Variants in NCKAP5 observed in about 807,000 individuals in gnomAD.
NCKAP5 encodes the protein NCK associated protein 5.
Under a neutral mutation model 167.0 loss-of-function variants are expected in NCKAP5, and 92 were observed. The observed-to-expected ratio is 0.55, with a 90% CI of 0.47 to 0.66. NCKAP5 has a LOEUF of 0.66. Ranked by LOEUF, NCKAP5 falls within the 30% of genes least tolerant of loss-of-function variation. The pLI, the probability that NCKAP5 is intolerant of heterozygous loss-of-function variation, is 0.00. For synonymous variants in NCKAP5, 891 were observed against 877.4 expected, an observed-to-expected ratio of 1.02 and a Z score of -0.27; for missense variants, 2,378 against 2,315.0, an observed-to-expected ratio of 1.03 and a Z score of -0.56.
chr2:133,201,128 A>G (rs1347313944), intron 5 of NCKAP5, among the ~76,000 whole-genome samples: 1 of 152,208 alleles, frequency 6.6e-6, no homozygotes, highest in African/African-American at 2.4e-5. Flanking sequence ...ATACCATGAT[A>G]GTTGATGTGA....
intron 3 of NCKAP5, among the ~76,000 whole-genome samples, chr2:133,403,556 G>A (rs1029316647): frequency 1.1e-4 from 17 of 152,248 alleles, no homozygotes; most frequent in African/African-American, 2.9e-4. Context: ...CATGTGAAAC[G>A]TACTAGATTT....
chr2:132,824,420 C>T (rs1436970650), intron 11 of NCKAP5, among the ~76,000 whole-genome samples: 1 of 152,198 alleles, frequency 6.6e-6, no homozygotes, highest in East Asian at 1.9e-4. Context: ...ATATCTGTCC[C>T]TCCTTTATCA....
chr2:133,549,845 A>C (rs1333468124), intron 2 of NCKAP5, among the ~76,000 whole-genome samples: 6 of 148,448 alleles, frequency 4.0e-5, no homozygotes, highest in African/African-American at 1.5e-4. Context: ...TTGATAGACC[A>C]CTAGCAAGAC....
intron 1 of NCKAP5, among the ~76,000 whole-genome samples, chr2:133,564,536 G>T (rs1169833489): frequency 6.6e-6 from 1 of 152,150 alleles, no homozygotes. Flanking sequence ...GGAAGGTAAA[G>T]AAATACTTTT....
chr2:133,155,956 A>G (rs2083562678), intron 5 of NCKAP5, among the ~76,000 whole-genome samples: 1 of 152,170 alleles, frequency 6.6e-6, no homozygotes, highest in African/African-American at 2.4e-5. Context: ...ACTCTGACTA[A>G]TATAAAGAAT....
chr2:133,490,911 C>A (rs928017805), intron 3 of NCKAP5, among the ~76,000 whole-genome samples: 1 of 152,192 alleles, frequency 6.6e-6, no homozygotes, highest in Non-Finnish European at 1.5e-5. Context: ...TTTATGATTT[C>A]TGTTAAGAGG....
Position 133,011,924 on chromosome 2 carries a change from C to T in NCKAP5, c.342-17685G>A, listed in dbSNP as rs2078173986. ...TTACAGATGCGGAGGCCCCTGAGCC[C>T]TCTTTTGCATGGCTATTGCTGGACC... On this transcript the variant is annotated intron_variant, in intron 6 of 19. Coordinates refer to ENST00000409261, the MANE Select transcript of NCKAP5 (RefSeq NM_207363.3). 2.6e-5 allele frequency among the ~76,000 whole-genome samples: 4 copies of T among 152,142 alleles called. No homozygotes were observed. In the South Asian group the frequency reaches 6.2e-4, roughly 24 times the overall value.
intron 11 of NCKAP5, among the ~76,000 whole-genome samples, chr2:132,799,383 C>T (rs1684855563): frequency 6.6e-6 from 1 of 152,050 alleles, no homozygotes; most frequent in Non-Finnish European, 1.5e-5. Flanking sequence ...GCAGAAGTAC[C>T]CCCTGAATCT....
chr2:133,525,402 C>T (rs1345991351), intron 2 of NCKAP5, among the ~76,000 whole-genome samples: 2 of 152,160 alleles, frequency 1.3e-5, no homozygotes, highest in East Asian at 3.9e-4. Flanking sequence ...TTCCCATGGG[C>T]CCCTCCTCAG....
intron 11 of NCKAP5, among the ~76,000 whole-genome samples, chr2:132,812,572 C>A (rs1685963452): frequency 6.6e-6 from 1 of 152,132 alleles, no homozygotes; most frequent in South Asian, 2.1e-4. Context: ...GCGGAGCAGG[C>A]ACCTGCAACA....
Position 132,782,474 on chromosome 2 carries a change from T to C in NCKAP5, c.4337A>G (p.Glu1446Gly). 1 of 1,612,780 alleles carries C rather than the reference T, an allele frequency of 6.2e-7. No homozygotes were observed. Among genetic ancestry groups the C allele is most frequent in the Non-Finnish European group, 8.5e-7 (1 of 1,179,464 alleles). The stretch of plus-strand genomic sequence containing the variant: ...GGCATCTGGATGCCTTCCAGAAGTT[T>C]CTAGCTTGGATGTACTGCTTGTTTC... ...TFETSSTSKL[E>G]TSGRHPDASA... Residue 1446 changes from glutamate to glycine, a missense_variant, in exon 14 of 20, where the codon GAA becomes GGA. Glu to Gly is a moderately conservative substitution (Grantham distance 98). Transcript: ENST00000409261.
intron 6 of NCKAP5, among the ~76,000 whole-genome samples, chr2:133,116,848 A>C (rs2082100958): frequency 6.6e-6 from 1 of 152,142 alleles, no homozygotes; most frequent in South Asian, 2.1e-4. Context: ...TATGGATGCT[A>C]ATAGTTCCTC....
Position 133,286,510 on chromosome 2 carries a change from G to C in NCKAP5, c.143+16527C>G, listed in dbSNP as rs1231917121. ...CACAAGAGAGTAATTGGATATGCAT[G>C]ATGCAATGCTGGAATTTTAGGTATT... On this transcript the variant is annotated intron_variant, in intron 4 of 19. Transcript: ENST00000409261. 8.5e-5 allele frequency among the ~76,000 whole-genome samples: 13 copies of C among 152,182 alleles called. No homozygotes were observed. The East Asian group carries it at 2.5e-3, about 29-fold the overall frequency.
At chr2:133,020,147 G>A (rs1438230554) in intron 6 of NCKAP5, among the ~76,000 whole-genome samples, 1 of 152,244 alleles carries the variant, frequency 6.6e-6, no homozygotes, top group African/African-American at 2.4e-5. Flanking sequence ...TGCTGCTGTA[G>A]ACATTGGAGC....
chr2:132,827,464 A>T (rs895630528), intron 11 of NCKAP5, among the ~76,000 whole-genome samples: 1 of 152,188 alleles, frequency 6.6e-6, no homozygotes, highest in African/African-American at 2.4e-5. Context: ...GCTGTTACAC[A>T]TATAATGTAC....
the NCKAP5 span, among the ~76,000 whole-genome samples, chr2:133,584,834 C>G: frequency 6.6e-6 from 1 of 151,718 alleles, no homozygotes; most frequent in South Asian, 2.1e-4. Flanking sequence ...GCAGATAAAA[C>G]CTGGAGAGCT....
At chr2:133,382,853 G>C (rs1686623271) in intron 3 of NCKAP5, among the ~76,000 whole-genome samples, 1 of 152,176 alleles carries the variant, frequency 6.6e-6, no homozygotes, top group Non-Finnish European at 1.5e-5. Context: ...AGAGATGCTA[G>C]AATCTTTGTC....
At chr2:133,381,437 G>T (rs1374343475) in intron 3 of NCKAP5, 16 of 152,216 alleles carry the variant, frequency 1.1e-4, no homozygotes, top group Admixed American at 1.0e-3. Flanking sequence ...TCCTCATCGG[G>T]TGGGCAAACC....
At chr2:133,602,869 G>A in the NCKAP5 span, among the ~76,000 whole-genome samples, 4 of 152,324 alleles carry the variant, frequency 2.6e-5, no homozygotes, top group Non-Finnish European at 5.9e-5. Context: ...ACAACTTTGA[G>A]AGGCCTTCTG....
Sources: allele counts gnomAD v4.1 joint callset (sites outside exome capture counted in the v4.1 genomes callset), GRCh38; gene constraint gnomAD v4.1.1; transcripts MANE v1.5; gene names NCBI Gene and HGNC (gene_info 2026-07-23, HGNC 2026-07-21).